The following CCDC169 variants were observed in gnomAD, a reference collection of about 807,000 sequenced individuals.
CCDC169 encodes the protein coiled-coil domain-containing protein 169.
CCDC169 carries 30 observed loss-of-function variants against 36.0 expected under a neutral mutation model. The ratio of observed to expected loss-of-function variants is 0.83; its 90% CI spans 0.62 to 1.13. The LOEUF (loss-of-function observed/expected upper bound fraction) is 1.13, where lower values mean the gene tolerates loss of function less well. CCDC169 is among the 50% of genes most tolerant of loss of function. CCDC169 has a pLI of 0.00. For missense variants in CCDC169, 245 were observed against 245.9 expected, an observed-to-expected ratio of 1.00 and a Z score of 0.03; for synonymous variants, 85 against 81.5, an observed-to-expected ratio of 1.04 and a Z score of -0.23.
chr13:36,223,123 T>C (rs1406301551), downstream of CCDC169: 1 of 152,112 alleles, frequency 6.6e-6, no homozygotes, highest in Non-Finnish European at 1.5e-5. Flanking sequence ...TGGCAAAACG[T>C]TTTTGAAAGC....
At chr13:36,262,361 C>T (rs1226990702) in intron 4 of CCDC169, among the ~76,000 whole-genome samples, 1 of 152,130 alleles carries the variant, frequency 6.6e-6, no homozygotes, top group Admixed American at 6.5e-5. Context: ...ATGATGAACA[C>T]CTCCATCTCC....
chr13:36,292,914 G>A (rs755019174), intron 2 of CCDC169, among the ~76,000 whole-genome samples: 1 of 152,202 alleles, frequency 6.6e-6, no homozygotes, highest in Non-Finnish European at 1.5e-5. Flanking sequence ...GATAACCTGA[G>A]ACAAGAATAA....
At chr13:36,254,275 C>CAATTT in intron 4 of CCDC169, 132 bp from the exon 5 acceptor site, 2 of 364,694 alleles carry the variant, frequency 5.5e-6, no homozygotes, top group Non-Finnish European at 9.2e-6. Context: ...ATGATATGTA[C>CAATTT]TTTTTTTTTT....
intron 4 of CCDC169, among the ~76,000 whole-genome samples, chr13:36,263,879 C>A (rs1480343409): frequency 1.3e-5 from 2 of 152,050 alleles, no homozygotes; most frequent in African/African-American, 4.8e-5. Context: ...ATATGAAGAG[C>A]TTTTGAAGGG....
chr13:36,234,384 G>T (rs962273866), intron 7 of CCDC169, among the ~76,000 whole-genome samples: 1 of 152,090 alleles, frequency 6.6e-6, no homozygotes, highest in South Asian at 2.1e-4. Context: ...TGTATAATGA[G>T]TGTCCCAGAA....
chr13:36,289,740 G>A (rs1453325457), intron 2 of CCDC169, among the ~76,000 whole-genome samples: 2 of 152,154 alleles, frequency 1.3e-5, no homozygotes, highest in African/African-American at 4.8e-5. Flanking sequence ...GCTGAAAGTT[G>A]TTATATGCAT....
chr13:36,253,870 C>G lies in CCDC169; in HGVS notation c.415-14G>C, dbSNP rs201461092. On this transcript the variant is annotated splice_polypyrimidine_tract_variant and intron_variant, in intron 5 of 7. Coordinates refer to ENST00000239859, the MANE Select transcript of CCDC169 (RefSeq NM_001144981.3). ...CTTCTGGTAAGCCTGTGTGAAGATA[C>G]AAAAGCAAAGGGTCCAACATATGAG... 1.8e-3 allele frequency: 2,749 copies of G among 1,550,780 alleles called. 2 individuals carry two copies. The highest frequency in any genetic ancestry group is 2.2e-3 in the Non-Finnish European group (2,509 of 1,146,778).
At chr13:36,292,253 C>T (rs987260553) in intron 2 of CCDC169, among the ~76,000 whole-genome samples, 1 of 152,116 alleles carries the variant, frequency 6.6e-6, no homozygotes. Context: ...CTTGGCCTCC[C>T]AAAGTGCTGG....
intron 4 of CCDC169, among the ~76,000 whole-genome samples, chr13:36,262,713 C>T (rs1874751039): frequency 6.6e-6 from 1 of 152,142 alleles, no homozygotes; most frequent in Non-Finnish European, 1.5e-5. Context: ...ATGTTCTGGG[C>T]TCTGCTCTGT....
chr13:36,253,742 G>A (rs1001225111), intron 6 of CCDC169, 61 bp downstream of exon 6: 9 of 1,512,930 alleles, frequency 5.9e-6, no homozygotes, highest in South Asian at 1.3e-5. Context: ...ACCTAGAAAA[G>A]TGAAAAACAT....
intron 2 of CCDC169, among the ~76,000 whole-genome samples, chr13:36,284,184 T>C (rs939023373): frequency 2.0e-5 from 3 of 152,226 alleles, no homozygotes; most frequent in Non-Finnish European, 4.4e-5. Flanking sequence ...TATATGTTTA[T>C]GTGTATATAA....
At chr13:36,295,695 T>G (rs998029257) in intron 2 of CCDC169, 83 bp downstream of exon 2, 1 of 673,956 alleles carries the variant, frequency 1.5e-6, no homozygotes, top group Admixed American at 3.1e-5. Flanking sequence ...ATTCAATATA[T>G]GGAATTTAAT....
At chr13:36,253,771 A>T (rs1207685511) in intron 6 of CCDC169, 32 bp downstream of exon 6, 1 of 1,534,002 alleles carries the variant, frequency 6.5e-7, no homozygotes. Flanking sequence ...GTAAGAAGAA[A>T]CACTTAGAAT....
chr13:36,295,115 GC>G, intron 2 of CCDC169, among the ~76,000 whole-genome samples: 1 of 152,254 alleles, frequency 6.6e-6, no homozygotes, highest in South Asian at 2.1e-4. Flanking sequence ...GTTCTGGAAA[GC>G]CTGTCTTTAT....
chr13:36,253,229 T>C (rs1030901343), intron 6 of CCDC169, among the ~76,000 whole-genome samples: 7 of 152,224 alleles, frequency 4.6e-5, no homozygotes, highest in Non-Finnish European at 1.0e-4. Context: ...AGCCCAGAGA[T>C]AGCAGCTACC....
exon 7 of CCDC169, chr13:36,222,085 CAG>C (rs1404645172): frequency 1.1e-4 from 17 of 151,952 alleles, no homozygotes; most frequent in Non-Finnish European, 1.3e-4. Context: ...TTGAGAGTAA[CAG>C]GGGAAAGATT....
chr13:36,254,082 A>T lies in CCDC169; in HGVS notation c.377T>A (p.Val126Glu). ...EEEKKTLESQ[V>E]KYYALKLEQE... ...TTCCAGTTTAAGTGCATAGTATTTCACTTGACTTTCAAGAGTCTTCTTTTC... is the reference window on the plus strand; with the variant it reads ...TTCCAGTTTAAGTGCATAGTATTTCTCTTGACTTTCAAGAGTCTTCTTTTC... The change falls in exon 5 of 8, where the codon GTG becomes GAG. Residue 126 changes from valine to glutamate, a missense_variant. Coordinates refer to ENST00000239859, the MANE Select transcript of CCDC169 (RefSeq NM_001144981.3). 1 of 1,548,818 alleles carries T rather than the reference A, an allele frequency of 6.5e-7. No homozygotes were observed. The highest frequency in any genetic ancestry group is 8.7e-7 in the Non-Finnish European group (1 of 1,146,172).
intron 4 of CCDC169, among the ~76,000 whole-genome samples, chr13:36,267,868 A>G (rs1875535718): frequency 6.6e-6 from 1 of 152,204 alleles, no homozygotes; most frequent in Non-Finnish European, 1.5e-5. Context: ...GATGGTCACT[A>G]TATAATGACA....
chr13:36,255,590 G>A (rs1344703002), intron 4 of CCDC169, among the ~76,000 whole-genome samples: 1 of 149,752 alleles, frequency 6.7e-6, no homozygotes, highest in Non-Finnish European at 1.5e-5. Context: ...TGGAACCCAG[G>A]AGGCAGAGGT....
Sources: allele counts gnomAD v4.1 joint callset (sites outside exome capture counted in the v4.1 genomes callset), GRCh38; gene constraint gnomAD v4.1.1; transcripts MANE v1.5; gene names NCBI Gene and HGNC (gene_info 2026-07-23, HGNC 2026-07-21).